DIAPH1: variants seen among roughly 807,000 people sequenced by gnomAD.
DIAPH1 encodes the protein diaphanous related formin 1.
Under a neutral mutation model 140.7 loss-of-function variants are expected in DIAPH1, and 46 were observed. The ratio of observed to expected loss-of-function variants is 0.33; its 90% confidence interval spans 0.26 to 0.42. DIAPH1 has a LOEUF of 0.42. DIAPH1 is among the 10% of genes least tolerant of loss of function. The probability of loss-of-function intolerance (pLI) is 1.00; values close to 1 mark genes in which losing one functional copy is unlikely to be tolerated. For missense variants in DIAPH1, 1,310 were observed against 1,558.7 expected (o/e 0.84, Z 2.69); for synonymous variants, 565 against 551.6 (o/e 1.02, Z -0.34).
At chr5:141,585,106 G>A (rs113366597) in intron 3 of DIAPH1, among the ~76,000 whole-genome samples, 5,171 of 152,028 alleles carry the variant, frequency 0.034, 113 homozygotes, top group East Asian at 0.05. Flanking sequence ...ACAGGCGCCC[G>A]CCACCACACT....
chr5:141,577,544 G>A lies in DIAPH1; in HGVS notation c.1211C>T (p.Ser404Leu). Residue 404 changes from serine (S) to leucine (L), a missense_variant, in exon 12 of 28, where the codon TCA becomes TTA. Physicochemically the swap from Ser to Leu is moderately radical, Grantham distance 145 (BLOSUM62 -2). Transcript: ENST00000389054. ...GGAAAGGAAGTGTGGCTCTGCCTTT[G>A]AATCCTTCACTGTGTTTAAGAGAAT... Reference protein sequence around the residue: ...FQILLNTVKDSKAEPHFLSIL... With the variant: ...FQILLNTVKDLKAEPHFLSIL... The A allele has an allele frequency of 6.2e-7, 1 of 1,613,912 alleles. No individual in the cohort carries two copies.
chr5:141,573,741 T>TG lies in DIAPH1; in HGVS notation c.2108dup (p.Pro704ThrfsTer71), dbSNP rs771360300. The stretch of plus-strand genomic sequence containing the variant: ...CTGCTTCTCCAGGCAAGGGAGGAGG[T>TG]GGGGGGGGAATTCCAGCACTCCCAG... On this transcript the variant is annotated frameshift_variant, in exon 16 of 28. Transcript: ENST00000389054. LOFTEE classifies it high-confidence loss of function. 94 of 1,110,668 alleles carry TG rather than the reference T, an allele frequency of 8.5e-5. No homozygotes were observed. The highest frequency in any genetic ancestry group is 1.8e-4 in the Admixed American group (5 of 28,092). 68.8% of individuals were successfully genotyped at this position (1,110,668 alleles called of 1,614,324 possible).
intron 3 of DIAPH1, among the ~76,000 whole-genome samples, 158 bp downstream of exon 3, chr5:141,586,884 T>C (rs904864916): frequency 1.4e-4 from 22 of 152,202 alleles, no homozygotes; most frequent in Non-Finnish European, 1.0e-4. Context: ...GTATATTTAG[T>C]CCCTAATTAT....
At chr5:141,603,607 T>C (rs2099900493) in intron 1 of DIAPH1, among the ~76,000 whole-genome samples, 1 of 152,170 alleles carries the variant, frequency 6.6e-6, no homozygotes, top group Admixed American at 6.5e-5. Context: ...CTGTAGTCCA[T>C]TCTGTATTTC....
chr5:141,576,347 C>T (rs1315602257), intron 13 of DIAPH1, 53 bp from the exon 14 acceptor site: 11 of 1,313,136 alleles, frequency 8.4e-6, no homozygotes, highest in Non-Finnish European at 8.8e-6. Flanking sequence ...TGTTCTATTT[C>T]TTTCACACTA....
chr5:141,540,235 G>C (rs1378214065), intron 18 of DIAPH1, among the ~76,000 whole-genome samples: 3 of 151,566 alleles, frequency 2.0e-5, no homozygotes, highest in Non-Finnish European at 4.4e-5. Context: ...TCCTGTCTCA[G>C]CCTCCTTCTC....
chr5:141,576,461 G>C (rs929325999), intron 13 of DIAPH1, among the ~76,000 whole-genome samples, 167 bp from the exon 14 acceptor site: 2 of 152,208 alleles, frequency 1.3e-5, no homozygotes, highest in Admixed American at 1.3e-4. Flanking sequence ...CATGTAATCT[G>C]AGTGTGCGGT....
intron 18 of DIAPH1, among the ~76,000 whole-genome samples, chr5:141,567,397 T>C (rs1443179268): frequency 6.6e-6 from 1 of 152,202 alleles, no homozygotes; most frequent in Non-Finnish European, 1.5e-5. Flanking sequence ...CACAAGGGAC[T>C]ATTATCTTGA....
chr5:141,540,562 G>T (rs1051629390), intron 18 of DIAPH1, among the ~76,000 whole-genome samples: 10 of 151,442 alleles, frequency 6.6e-5, no homozygotes, highest in Non-Finnish European at 1.5e-4. Flanking sequence ...TTACAGGCGT[G>T]AGCCACCACA....
chr5:141,585,755 T>C (rs2099897447), intron 3 of DIAPH1, among the ~76,000 whole-genome samples: 1 of 152,036 alleles, frequency 6.6e-6, no homozygotes, highest in Non-Finnish European at 1.5e-5. Flanking sequence ...CTTGCTCTGC[T>C]TGCGACAGAG....
rs372842505 is a variant in DIAPH1 at position 141,575,309 on chromosome 5, A to T, written c.1462-163T>A. 4.6e-5 allele frequency among the ~76,000 whole-genome samples: 7 copies of T among 152,246 alleles called. No individual in the cohort carries two copies. The East Asian group carries it at 1.4e-3, about 29-fold the overall frequency. On this transcript the variant is annotated intron_variant, in intron 14 of 27. Coordinates refer to ENST00000389054, the MANE Select transcript of DIAPH1 (RefSeq NM_005219.5). ...AGTACTTGATTTACAGAGCTCATAAATCCAGGCCATGCTCGGGGGAAAAAA... is the reference window on the plus strand; with the variant it reads ...AGTACTTGATTTACAGAGCTCATAATTCCAGGCCATGCTCGGGGGAAAAAA...
chr5:141,531,631 G>T (rs1450291282), intron 19 of DIAPH1, among the ~76,000 whole-genome samples: 1 of 152,074 alleles, frequency 6.6e-6, no homozygotes, highest in African/African-American at 2.4e-5. Context: ...GGGATTATAG[G>T]CGTGCTCCAC....
chr5:141,556,203 T>A (rs976850240), intron 18 of DIAPH1, among the ~76,000 whole-genome samples: 4 of 151,558 alleles, frequency 2.6e-5, no homozygotes, highest in African/African-American at 9.7e-5. Context: ...TTTCACCACA[T>A]CCCCCCCGGC....
Position 141,571,986 on chromosome 5 carries a change from G to A in DIAPH1, c.2413C>T (p.Arg805Cys), listed in dbSNP as rs756430268. 2 of 1,614,156 alleles carry A rather than the reference G, an allele frequency of 1.2e-6. No individual in the cohort carries two copies. Among genetic ancestry groups the A allele is most frequent in the East Asian group, 2.2e-5 (1 of 44,886 alleles). Residue 805 changes from arginine (R) to cysteine (C), a missense_variant, in exon 17 of 28, where the codon CGC (arginine) becomes TGC (cysteine). By Grantham distance (180) the Arg-to-Cys change is radical (BLOSUM62 -3). Around this residue, in one of 3 missense-constraint regions of DIAPH1, gnomAD observed 589 missense variants for 549.3 expected, o/e 1.07. Coordinates refer to ENST00000389054, the MANE Select transcript of DIAPH1 (RefSeq NM_005219.5). The part of the protein sequence containing the change: ...DCFWTKVKED[R>C]FENNELFAKL... ...GCGAAAAGTTCATTGTTCTCAAAGCGGTCCTCCTTCACCTTTGTCCAGAAG... is the reference window on the plus strand; with the variant it reads ...GCGAAAAGTTCATTGTTCTCAAAGCAGTCCTCCTTCACCTTTGTCCAGAAG...
At chr5:141,529,530 A>C (rs2099887883) in intron 20 of DIAPH1, 73 bp downstream of exon 20, 1 of 1,236,538 alleles carries the variant, frequency 8.1e-7, no homozygotes, top group Admixed American at 1.7e-5. Flanking sequence ...GATCCTCTTC[A>C]TCTACACAGA....
intron 3 of DIAPH1, among the ~76,000 whole-genome samples, chr5:141,586,499 C>T (rs2099897575): frequency 6.6e-6 from 1 of 152,220 alleles, no homozygotes; most frequent in Non-Finnish European, 1.5e-5. Flanking sequence ...CCTCCTTATT[C>T]GGTGTTCCTC....
intron 18 of DIAPH1, among the ~76,000 whole-genome samples, chr5:141,551,165 C>T (rs1305358091): frequency 1.3e-5 from 2 of 152,186 alleles, no homozygotes; most frequent in Non-Finnish European, 2.9e-5. Flanking sequence ...AGAAAACACA[C>T]TGGGCCGGGC....
intron 18 of DIAPH1, among the ~76,000 whole-genome samples, chr5:141,537,301 T>C (rs1019899058): frequency 4.6e-5 from 7 of 151,224 alleles, no homozygotes; most frequent in Non-Finnish European, 1.0e-4. Flanking sequence ...CTGACCAACA[T>C]GAAGAAACCC....
chr5:141,580,870 G>T lies in DIAPH1; in HGVS notation c.698C>A (p.Thr233Asn), dbSNP rs1255961566. ...GATTCCTTCTTCTGTCTCCAACATG[G>T]TCTTGATTCCAAACTGGTAGGACCA... ...AFMNNKFGIK[T>N]MLETEEGILL... Residue 233 changes from threonine to asparagine, a missense_variant, in exon 8 of 28, where the codon ACC becomes AAC. Physicochemically the swap from Thr to Asn is moderately conservative, Grantham distance 65. Around this residue, in one of 3 missense-constraint regions of DIAPH1, gnomAD observed 377 missense variants for 497.1 expected, o/e 0.76. Coordinates refer to ENST00000389054, the MANE Select transcript of DIAPH1 (RefSeq NM_005219.5). 3 of 1,614,096 alleles carry T rather than the reference G, an allele frequency of 1.9e-6. No individual in the cohort carries two copies. The highest frequency in any genetic ancestry group is 2.5e-6 in the Non-Finnish European group (3 of 1,180,046).
Sources: gnomAD v4.1 joint callset for allele counts (sites outside exome capture counted in the v4.1 genomes callset) on GRCh38, gnomAD v4.1.1 for gene constraint, gnomAD v4.1.1 regional missense constraint, MANE v1.5 for transcripts, NCBI Gene and HGNC (gene_info 2026-07-23, HGNC 2026-07-21) for gene names.